The following DSG3 variants were observed in gnomAD, a reference collection of about 807,000 sequenced individuals.
The protein encoded by DSG3 is desmoglein 3.
Under a neutral mutation model 85.9 loss-of-function variants are expected in DSG3, and 63 were observed. That is an observed-to-expected ratio of 0.73 (90% CI 0.60 to 0.90). The LOEUF (loss-of-function observed/expected upper bound fraction) is 0.90. DSG3 is among the 40% of genes least tolerant of loss of function. The pLI, the probability that DSG3 is intolerant of heterozygous loss-of-function variation, is 0.00. For synonymous variants in DSG3, 447 were observed against 441.9 expected (o/e 1.01, Z -0.14); for missense variants, 1,220 against 1,219.9 (o/e 1.00, Z 0.00).
Position 31,476,037 on chromosome 18 carries a change from T to A in DSG3, c.2777T>A (p.Leu926Gln). The A allele has an allele frequency of 6.2e-7, 1 of 1,614,240 alleles. No homozygotes were observed. The highest frequency in any genetic ancestry group is 8.5e-7 in the Non-Finnish European group (1 of 1,180,044). The stretch of plus-strand genomic sequence containing the variant: ...CCAGCTGTTTCCATCCCTGACCCTC[T>A]GCAGCATGGTAACTATTTAGTAACG... ...VQPAVSIPDP[L>Q]QHGNYLVTET... Residue 926 changes from leucine (L) to glutamine (Q), a missense_variant, in exon 16 of 16, where the codon CTG becomes CAG. Physicochemically the swap from Leu to Gln is moderately radical, Grantham distance 113. Coordinates refer to ENST00000257189, the MANE Select transcript of DSG3 (RefSeq NM_001944.3).
At chr18:31,465,531 A>G (rs2072812846) in intron 10 of DSG3, 74 bp downstream of exon 10, 13 of 1,235,248 alleles carry the variant, frequency 1.1e-5, no homozygotes, top group Non-Finnish European at 1.4e-5. Context: ...GATGATTATG[A>G]TTATTCAACA....
rs759794339 is a variant in DSG3 at position 31,459,046 on chromosome 18, C to T, written c.386C>T (p.Ala129Val). Residue 129 changes from alanine to valine, a missense_variant, in exon 5 of 16, where the codon GCT becomes GTT. Transcript: ENST00000257189. Reference sequence around the variant, plus strand: ...CTCTGTTCCTAGATCACATGTCGGGCTCTAAATGCCCAAGGACTAGATGTA... The same window carrying T: ...CTCTGTTCCTAGATCACATGTCGGGTTCTAAATGCCCAAGGACTAGATGTA... ...ETPSFLITCR[A>V]LNAQGLDVEK... 1.2e-6 allele frequency: 2 copies of T among 1,613,460 alleles called. No individual in the cohort carries two copies. Among genetic ancestry groups the T allele is most frequent in the South Asian group, 2.2e-5 (2 of 90,820 alleles).
Position 31,476,818 on chromosome 18 carries a change from G to T in DSG3, c.*558G>T, listed in dbSNP as rs1487947630. The T allele has an allele frequency of 6.6e-6, 1 of 152,086 alleles. No individual in the cohort carries two copies. The highest frequency in any genetic ancestry group is 1.5e-5 in the Non-Finnish European group (1 of 68,058). 9.4% of individuals were successfully genotyped at this position (152,086 alleles called of 1,614,324 possible). On this transcript the variant is annotated 3_prime_UTR_variant, in exon 16 of 16. Coordinates refer to ENST00000257189, the MANE Select transcript of DSG3 (RefSeq NM_001944.3). ...ACTAAAAATACAAAAAATTAGCCGG[G>T]CGCAGTGGCGGGCGCCTGTAGTCCC...
At chr18:31,468,342 T>A (rs7228920) in intron 11 of DSG3, among the ~76,000 whole-genome samples, 101,721 of 151,998 alleles carry the variant, frequency 0.67, 35,333 homozygotes, top group African/African-American at 0.87. Context: ...TCAGGAACAC[T>A]AACACTCAAA....
chr18:31,458,399 G>T (rs201499359), intron 3 of DSG3, 46 bp from the exon 4 acceptor site: 33 of 1,591,286 alleles, frequency 2.1e-5, no homozygotes, highest in Non-Finnish European at 2.6e-5. Context: ...AGAGGGAAAG[G>T]CTTGAGTGAT....
intron 11 of DSG3, among the ~76,000 whole-genome samples, chr18:31,468,105 A>G (rs2072833087): frequency 6.6e-6 from 1 of 152,246 alleles, no homozygotes. Flanking sequence ...AACAAATGCA[A>G]TGCTGAACCT....
At chr18:31,470,530 AT>A (rs143291620) in intron 12 of DSG3, among the ~76,000 whole-genome samples, 3,746 of 152,262 alleles carry the variant, frequency 0.025, 140 homozygotes, top group African/African-American at 0.084. Flanking sequence ...TATCGTATTA[AT>A]CAAGTTCAAG....
rs1376211136 is a variant in DSG3, at chr18:31,476,871, A to G, written c.*611A>G. The G allele has an allele frequency of 6.6e-6, 1 of 151,206 alleles. No homozygotes were observed. The highest frequency in any genetic ancestry group is 1.9e-4 in the East Asian group (1 of 5,132). The allele number at this position is 151,206 out of a possible 1,614,324, so 9.4% of individuals were successfully genotyped here. ...CTACTCGGGAGGCTGAGGCAGGAGA[A>G]TGGCATGAACCCGGGAAGCGGAGCT... On this transcript the variant is annotated 3_prime_UTR_variant, in exon 16 of 16. Transcript: ENST00000257189.
Position 31,476,498 on chromosome 18 carries a change from C to T in DSG3, c.*238C>T. ...GTAAATCTTAAAGTTTTTCAAAACC[C>T]TAAAATCATATTCGCCAGGAAATTT... On this transcript the variant is annotated 3_prime_UTR_variant, in exon 16 of 16. Transcript: ENST00000257189. 1 of 414,312 alleles carries T rather than the reference C, an allele frequency of 2.4e-6. No individual in the cohort carries two copies. The highest frequency in any genetic ancestry group is 6.4e-4 in the Middle Eastern group (1 of 1,552). 25.7% of individuals were successfully genotyped at this position (414,312 alleles called of 1,614,324 possible).
rs188852124 is a variant in DSG3 at position 31,458,752 on chromosome 18, G to A, written c.372+152G>A. On this transcript the variant is annotated intron_variant, in intron 4 of 15. Coordinates refer to ENST00000257189, the MANE Select transcript of DSG3 (RefSeq NM_001944.3). Reference sequence around the variant, plus strand: ...AATATTAGTCCCTCCACAGAGCCTCGCCTGAGGGAACACAGCAGAGGGTGC... The same window carrying A: ...AATATTAGTCCCTCCACAGAGCCTCACCTGAGGGAACACAGCAGAGGGTGC... 1.2e-4 allele frequency: 117 copies of A among 974,742 alleles called. No individual in the cohort carries two copies. In the Admixed American group the frequency reaches 2.6e-3, roughly 22 times the overall value. 60.4% of individuals were successfully genotyped at this position (974,742 alleles called of 1,614,324 possible).
rs2072884990 is a variant in DSG3, at chr18:31,476,017, T to A, written c.2757T>A (p.Ala919=). 2 of 1,614,074 alleles carry A rather than the reference T, an allele frequency of 1.2e-6. No homozygotes were observed. Among genetic ancestry groups the A allele is most frequent in the Non-Finnish European group, 8.5e-7 (1 of 1,180,014 alleles). The part of the protein sequence containing the change: ...ALSTSGSVQP[A]VSIPDPLQHG... ...CCACCTCTGGGTCTGTCCAGCCAGC[T>A]GTTTCCATCCCTGACCCTCTGCAGC... The change falls in exon 16 of 16, where the codon GCT becomes GCA. Residue 919 remains alanine (A), a synonymous_variant. Transcript: ENST00000257189.
At chr18:31,449,013 A>G (rs937350373) in intron 1 of DSG3, among the ~76,000 whole-genome samples, 10 of 152,142 alleles carry the variant, frequency 6.6e-5, no homozygotes, top group Admixed American at 5.9e-4. Context: ...CTCGTGCCTC[A>G]GCCTCCTGAG....
At chr18:31,463,822 C>T (rs1412852927) in intron 8 of DSG3, among the ~76,000 whole-genome samples, 2 of 152,058 alleles carry the variant, frequency 1.3e-5, no homozygotes, top group African/African-American at 4.8e-5. Flanking sequence ...AATCATGTTA[C>T]CATAGCAAAC....
At chr18:31,459,238 A>G (rs1216385013) in intron 5 of DSG3, 61 bp downstream of exon 5, 1 of 1,438,976 alleles carries the variant, frequency 6.9e-7, no homozygotes, top group African/African-American at 1.4e-5. Flanking sequence ...GAGTCCCACT[A>G]CAATATGTCA....
chr18:31,458,486 A>G lies in DSG3; in HGVS notation c.258A>G (p.Arg86=). Residue 86 remains arginine, a synonymous_variant, in exon 4 of 16, where the codon CGA becomes CGG. Transcript: ENST00000257189. ...AAGCAACCCAGAAAATCACCTACCG[A>G]ATCTCTGGAGTGGGAATCGATCAGC... ...DYQATQKITY[R]ISGVGIDQPP... 3 of 1,614,088 alleles carry G rather than the reference A, an allele frequency of 1.9e-6. No individual in the cohort carries two copies. The highest frequency in any genetic ancestry group is 2.5e-6 in the Non-Finnish European group (3 of 1,179,976).
At chr18:31,460,198 C>T (rs1400158666) in intron 6 of DSG3, among the ~76,000 whole-genome samples, 187 bp downstream of exon 6, 1 of 152,156 alleles carries the variant, frequency 6.6e-6, no homozygotes, top group African/African-American at 2.4e-5. Flanking sequence ...GTGTACCGGG[C>T]ACCTGCAGAA....
chr18:31,473,842 C>T (rs921537770), intron 14 of DSG3, among the ~76,000 whole-genome samples: 1 of 152,166 alleles, frequency 6.6e-6, no homozygotes, highest in African/African-American at 2.4e-5. Flanking sequence ...TACTAAATAT[C>T]CTGTCTTTTC....
chr18:31,474,453 G>A, intron 15 of DSG3, 49 bp downstream of exon 15: 1 of 1,539,194 alleles, frequency 6.5e-7, no homozygotes, highest in Non-Finnish European at 8.7e-7. Context: ...TTACATTAGA[G>A]AACTTTTTAT....
Position 31,461,418 on chromosome 18 carries a change from G to A in DSG3, c.999+6G>A, listed in dbSNP as rs943690437. 2 of 1,603,034 alleles carry A rather than the reference G, an allele frequency of 1.2e-6. No homozygotes were observed. The highest frequency in any genetic ancestry group is 1.8e-5 in the Admixed American group (1 of 56,128). On this transcript the variant is annotated splice_donor_region_variant and intron_variant, in intron 8 of 15. Transcript: ENST00000257189. ...GCATCCTGAAAGTGGTGAAGGTAAGGTCTGACTTCCCTTCATTGGTAAAAA... is the reference window on the plus strand; with the variant it reads ...GCATCCTGAAAGTGGTGAAGGTAAGATCTGACTTCCCTTCATTGGTAAAAA...
Sources: allele counts gnomAD v4.1 joint callset (sites outside exome capture counted in the v4.1 genomes callset), GRCh38; gene constraint gnomAD v4.1.1; transcripts MANE v1.5; gene names NCBI Gene and HGNC (gene_info 2026-07-23, HGNC 2026-07-21).